The following CTNNA3 variants were observed in gnomAD, a reference collection of about 807,000 sequenced individuals.
CTNNA3 encodes the protein catenin alpha-3.
In CTNNA3, 76 loss-of-function variants were observed where a neutral mutation model predicts 95.7. The observed-to-expected ratio is 0.79, with a 90% CI of 0.66 to 0.96. The LOEUF is 0.96. Ranked by LOEUF, CTNNA3 falls within the 40% of genes least tolerant of loss-of-function variation. CTNNA3 has a pLI of 0.00. For synonymous variants in CTNNA3, 431 were observed against 374.4 expected (o/e 1.15, Z -1.74); for missense variants, 1,191 against 1,089.8 (o/e 1.09, Z -1.31).
At chr10:67,628,693 A>T (rs975681823) in intron 2 of CTNNA3, among the ~76,000 whole-genome samples, 4 of 152,044 alleles carry the variant, frequency 2.6e-5, no homozygotes, top group African/African-American at 7.2e-5. Context: ...ACTGTATGAG[A>T]TTTCTTAAAA....
chr10:66,367,498 G>A (rs1233802969), intron 12 of CTNNA3, among the ~76,000 whole-genome samples: 1 of 149,354 alleles, frequency 6.7e-6, no homozygotes, highest in East Asian at 1.9e-4. Context: ...ATATAATATT[G>A]TAAATATATA....
chr10:66,388,916 A>T (rs1457548434), intron 11 of CTNNA3, among the ~76,000 whole-genome samples: 1 of 152,118 alleles, frequency 6.6e-6, no homozygotes, highest in African/African-American at 2.4e-5. Context: ...CCGAAAAAGA[A>T]AATCAAAATG....
chr10:66,793,187 C>A (rs957321741), intron 7 of CTNNA3, among the ~76,000 whole-genome samples: 1 of 151,998 alleles, frequency 6.6e-6, no homozygotes, highest in African/African-American at 2.4e-5. Context: ...ACTCTGTCAC[C>A]CAGACTGGAG....
At chr10:67,716,656 C>A (rs191585291) in intron 1 of CTNNA3, among the ~76,000 whole-genome samples, 1 of 152,206 alleles carries the variant, frequency 6.6e-6, no homozygotes, top group East Asian at 1.9e-4. Context: ...TGAACCCATC[C>A]TTTTTTATGG....
At position 67,022,862 on chromosome 10, in the gene CTNNA3, C is replaced by T. The variant is rs146056528; in HGVS notation, c.1047+157455G>A. ...CTGAGGCAGGAGAATAGCTTGAACC[C>T]GGGTGGCGGAGGTTGCAGTGAGCCG... is the stretch of plus-strand genomic sequence containing the variant. On this transcript the variant is annotated intron_variant, in intron 7 of 17. Coordinates refer to ENST00000433211, the MANE Select transcript of CTNNA3 (RefSeq NM_013266.4). 9.0e-3 allele frequency among the ~76,000 whole-genome samples: 1,375 copies of T among 152,084 alleles called. 83 individuals carry two copies. Among genetic ancestry groups the T allele is most frequent in the Admixed American group, 0.083 (1,260 of 15,260 alleles).
intron 7 of CTNNA3, among the ~76,000 whole-genome samples, chr10:66,959,715 T>C (rs1333623620): frequency 2.6e-5 from 4 of 152,196 alleles, no homozygotes; most frequent in Non-Finnish European, 5.9e-5. Context: ...AATCTCTAAT[T>C]TCTTAAGCTC....
intron 5 of CTNNA3, among the ~76,000 whole-genome samples, chr10:67,368,788 T>C (rs1441195175): frequency 6.6e-6 from 1 of 152,170 alleles, no homozygotes; most frequent in Non-Finnish European, 1.5e-5. Context: ...TCCATGTCTA[T>C]AAAATTCCAG....
At chr10:67,385,966 T>C (rs942415224) in intron 5 of CTNNA3, among the ~76,000 whole-genome samples, 1 of 152,026 alleles carries the variant, frequency 6.6e-6, no homozygotes, top group Non-Finnish European at 1.5e-5. Flanking sequence ...TACAGTGCAG[T>C]AAAGGGACAT....
At chr10:66,926,439 C>A in intron 7 of CTNNA3, 1 of 782,340 alleles carries the variant, frequency 1.3e-6, no homozygotes, top group Non-Finnish European at 2.2e-6. Flanking sequence ...GTTCCAAAAT[C>A]GGTCCATCTC....
At chr10:66,158,520 T>C (rs2084672216) in intron 13 of CTNNA3, among the ~76,000 whole-genome samples, 1 of 152,178 alleles carries the variant, frequency 6.6e-6, no homozygotes, top group South Asian at 2.1e-4. Context: ...CCTATTTTTG[T>C]ACTAGTACCA....
rs151196836 is a variant in CTNNA3 at position 67,703,805 on chromosome 10, G to T, written c.-1-56291C>A. Among the ~76,000 whole-genome samples the T allele has an allele frequency of 0.033, 5,045 of 152,240 alleles. 601 individuals carry two copies. The East Asian group carries it at 0.44, about 13-fold the overall frequency. ...ATCAGGCAGGAGAAGGAAATAAAGGGTGTTCAATTAGGAAAAGAGGAAGTC... is the reference window on the plus strand; with the variant it reads ...ATCAGGCAGGAGAAGGAAATAAAGGTTGTTCAATTAGGAAAAGAGGAAGTC... On this transcript the variant is annotated intron_variant, in intron 1 of 17. Coordinates refer to the CTNNA3 transcript ENST00000684154.
intron 9 of CTNNA3, among the ~76,000 whole-genome samples, chr10:66,666,530 T>G (rs1175631267): frequency 1.3e-5 from 2 of 152,182 alleles, no homozygotes; most frequent in African/African-American, 4.8e-5. Context: ...ATAGGTATAA[T>G]AAGGACACCT....
At chr10:66,335,920 T>C (rs1260534308) in intron 12 of CTNNA3, among the ~76,000 whole-genome samples, 1 of 152,096 alleles carries the variant, frequency 6.6e-6, no homozygotes, top group African/African-American at 2.4e-5. Flanking sequence ...TACTCAAGCC[T>C]GGGCAATGGC....
At chr10:66,305,748 A>G (rs754827437) in intron 12 of CTNNA3, among the ~76,000 whole-genome samples, 1 of 152,208 alleles carries the variant, frequency 6.6e-6, no homozygotes, top group African/African-American at 2.4e-5. Flanking sequence ...TACTGATGCT[A>G]CAGATTCAGA....
rs909842224 is a variant in CTNNA3, at chr10:67,742,386, C to T, written c.-2+21048G>A. On this transcript the variant is annotated intron_variant, in intron 1 of 17. Transcript: ENST00000684154. ...TCAACTACATGGAAACTGAACAACC[C>T]GCTCCTGAATGACTACTGGGTACAT... Among the ~76,000 whole-genome samples, 25 of 150,958 alleles carry T rather than the reference C, an allele frequency of 1.7e-4. 2 individuals are homozygous for T. Among genetic ancestry groups the T allele is most frequent in the African/African-American group, 3.6e-4 (15 of 41,276 alleles).
intron 7 of CTNNA3, among the ~76,000 whole-genome samples, chr10:66,900,262 G>C (rs1259689963): frequency 6.6e-6 from 1 of 152,128 alleles, no homozygotes; most frequent in Non-Finnish European, 1.5e-5. Flanking sequence ...AACTCCAACA[G>C]ACCTGCAGCT....
At chr10:66,020,892 C>G (rs1358497580) in intron 15 of CTNNA3, among the ~76,000 whole-genome samples, 1 of 152,006 alleles carries the variant, frequency 6.6e-6, no homozygotes, top group Non-Finnish European at 1.5e-5. Flanking sequence ...CCAGGATGGT[C>G]TCGATCTCCT....
chr10:66,825,295 A>G (rs1031936679), intron 7 of CTNNA3, among the ~76,000 whole-genome samples: 1 of 143,212 alleles, frequency 7.0e-6, no homozygotes, highest in Non-Finnish European at 1.5e-5. Flanking sequence ...TTTTTTTTTG[A>G]GATGGAGTCG....
At chr10:67,197,428 G>C (rs1863430607) in intron 6 of CTNNA3, among the ~76,000 whole-genome samples, 1 of 151,914 alleles carries the variant, frequency 6.6e-6, no homozygotes, top group Non-Finnish European at 1.5e-5. Context: ...TGGATTCATG[G>C]GTGAATTGTG....
Sources: gnomAD v4.1 joint callset for allele counts (sites outside exome capture counted in the v4.1 genomes callset) on GRCh38, gnomAD v4.1.1 for gene constraint, MANE v1.5 for transcripts, NCBI Gene and HGNC (gene_info 2026-07-23, HGNC 2026-07-21) for gene names.